The following ATF7 variants were observed in gnomAD, a reference collection of about 807,000 sequenced individuals.
The protein encoded by ATF7 is cyclic AMP-dependent transcription factor ATF-7.
ATF7 carries 10 observed loss-of-function variants against 50.4 expected under a neutral mutation model. That is an observed-to-expected ratio of 0.20 (90% CI 0.12 to 0.34). The LOEUF (loss-of-function observed/expected upper bound fraction) is 0.34, where lower values mean the gene tolerates loss of function less well. ATF7 is among the 10% of genes least tolerant of loss of function. ATF7 has a pLI of 1.00. For missense variants in ATF7, 465 were observed against 613.9 expected (o/e 0.76, Z 2.56); for synonymous variants, 201 against 226.4 (o/e 0.89, Z 1.01).
chr12:53,569,922 C>T (rs1941656991), intron 2 of ATF7, among the ~76,000 whole-genome samples: 1 of 152,140 alleles, frequency 6.6e-6, no homozygotes, highest in Non-Finnish European at 1.5e-5. Context: ...TGTGATCTGC[C>T]TGCCTTGGCC....
chr12:53,602,412 A>C (rs1239941508), intron 1 of ATF7, among the ~76,000 whole-genome samples: 2 of 152,230 alleles, frequency 1.3e-5, no homozygotes, highest in African/African-American at 2.4e-5. Flanking sequence ...TAGCTAGGTA[A>C]CATCTCTCCT....
chr12:53,581,892 G>A (rs1321943083), intron 2 of ATF7, among the ~76,000 whole-genome samples: 1 of 151,944 alleles, frequency 6.6e-6, no homozygotes, highest in Non-Finnish European at 1.5e-5. Context: ...GGAGGCTAAA[G>A]CAGGAGGATT....
At chr12:53,546,960 T>A (rs937338663) in intron 3 of ATF7, among the ~76,000 whole-genome samples, 1 of 150,276 alleles carries the variant, frequency 6.7e-6, no homozygotes, top group Admixed American at 6.6e-5. Flanking sequence ...GGTTTCTTTA[T>A]GCTGCCCAGG....
At chr12:53,622,125 A>G (rs973915494) in intron 1 of ATF7, among the ~76,000 whole-genome samples, 5 of 151,704 alleles carry the variant, frequency 3.3e-5, no homozygotes, top group African/African-American at 1.2e-4. Context: ...AAATGGTGAA[A>G]CCCCGTCTCT....
intron 2 of ATF7, among the ~76,000 whole-genome samples, chr12:53,592,349 G>A (rs1265038523): frequency 1.3e-5 from 2 of 152,204 alleles, no homozygotes; most frequent in Non-Finnish European, 2.9e-5. Context: ...TTTTCTCCAT[G>A]ATGCTTTCCT....
chr12:53,582,042 A>G (rs190021739), intron 2 of ATF7, among the ~76,000 whole-genome samples: 1 of 152,012 alleles, frequency 6.6e-6, no homozygotes, highest in East Asian at 1.9e-4. Context: ...GTCGGAGGCT[A>G]TAGTGAGCTA....
At chr12:53,521,994 T>A (rs1288922252) in intron 11 of ATF7, among the ~76,000 whole-genome samples, 1 of 152,252 alleles carries the variant, frequency 6.6e-6, no homozygotes, top group Non-Finnish European at 1.5e-5. Context: ...AGAGCAATAG[T>A]TCTATGAATT....
At chr12:53,576,979 C>T (rs1043442602) in intron 2 of ATF7, among the ~76,000 whole-genome samples, 3 of 152,066 alleles carry the variant, frequency 2.0e-5, no homozygotes, top group Admixed American at 1.3e-4. Flanking sequence ...TTGCTTAAAC[C>T]CAGGAGGTGG....
At chr12:53,544,556 G>A (rs1012086154) in intron 3 of ATF7, among the ~76,000 whole-genome samples, 3 of 152,112 alleles carry the variant, frequency 2.0e-5, no homozygotes, top group Non-Finnish European at 4.4e-5. Context: ...AGACCAGCCT[G>A]GCCAACATGG....
intron 2 of ATF7, among the ~76,000 whole-genome samples, chr12:53,587,843 A>ATTTTTTTTTT (rs201692852): frequency 4.9e-5 from 3 of 61,568 alleles, no homozygotes; most frequent in African/African-American, 1.5e-4. Context: ...ATATATATAT[A>ATTTTTTTTTT]TTTTTTTTTT....
At chr12:53,553,090 G>A (rs564465207) in intron 2 of ATF7, among the ~76,000 whole-genome samples, 2 of 152,294 alleles carry the variant, frequency 1.3e-5, no homozygotes, top group South Asian at 2.1e-4. Flanking sequence ...TTATGAGGGC[G>A]CTAACAGGGA....
intron 2 of ATF7, among the ~76,000 whole-genome samples, chr12:53,565,890 G>C (rs1941421518): frequency 6.6e-6 from 1 of 152,094 alleles, no homozygotes; most frequent in Non-Finnish European, 1.5e-5. Context: ...CCCAAGACTG[G>C]GTAATTTATA....
At chr12:53,577,926 A>G (rs1199313147) in intron 2 of ATF7, among the ~76,000 whole-genome samples, 2 of 152,146 alleles carry the variant, frequency 1.3e-5, no homozygotes, top group Admixed American at 6.6e-5. Flanking sequence ...TCAGAAAATC[A>G]AAGAGAAAGA....
downstream of ATF7, among the ~76,000 whole-genome samples, chr12:53,510,678 C>T: frequency 6.6e-6 from 1 of 152,240 alleles, no homozygotes; most frequent in East Asian, 1.9e-4. Flanking sequence ...CATCCTGCTG[C>T]TTCTAGTATT....
intron 1 of ATF7, among the ~76,000 whole-genome samples, chr12:53,607,207 C>T (rs1943654982): frequency 1.3e-5 from 2 of 152,186 alleles, no homozygotes; most frequent in Non-Finnish European, 2.9e-5. Flanking sequence ...TATTTCTCCA[C>T]ATCCTTTCCA....
rs1938350529 is a variant in ATF7 at position 53,524,851 on chromosome 12, G to C, written c.928-90C>G. 8.2e-7 allele frequency: 1 copy of C among 1,225,016 alleles called. No individual in the cohort carries two copies. The highest frequency in any genetic ancestry group is 1.5e-5 in the African/African-American group (1 of 65,466). 75.9% of individuals were successfully genotyped at this position (1,225,016 alleles called of 1,614,324 possible). On this transcript the variant is annotated intron_variant, in intron 9 of 11. Transcript: ENST00000420353. This position sits in a 1 kb window ranked among gnomAD's most constrained non-coding sequence, Gnocchi z 4.6. ...ATGTTAGGTAGAGTAGTAAGATCTG[G>C]TAAAAGGATATACCAGCCTCTGGTA...
intron 3 of ATF7, among the ~76,000 whole-genome samples, chr12:53,550,009 C>G (rs1021276669): frequency 2.6e-5 from 4 of 152,080 alleles, no homozygotes; most frequent in African/African-American, 9.7e-5. Flanking sequence ...TGAGCCACCG[C>G]GTCCAGCCTT....
chr12:53,602,889 A>C (rs1354306269), intron 1 of ATF7, among the ~76,000 whole-genome samples: 4 of 152,216 alleles, frequency 2.6e-5, no homozygotes, highest in Non-Finnish European at 4.4e-5. Flanking sequence ...AAATGCAATG[A>C]CCAGGACCAT....
At chr12:53,553,469 A>G (rs1565947410) in intron 2 of ATF7, among the ~76,000 whole-genome samples, 1 of 152,176 alleles carries the variant, frequency 6.6e-6, no homozygotes, top group Non-Finnish European at 1.5e-5. Context: ...GATTTGGGTG[A>G]AAGGACAATG....
Sources: gnomAD v4.1 joint callset for allele counts (sites outside exome capture counted in the v4.1 genomes callset) on GRCh38, gnomAD v4.1.1 for gene constraint, Gnocchi (gnomAD v3.1) non-coding constraint, MANE v1.5 for transcripts, NCBI Gene and HGNC (gene_info 2026-07-23, HGNC 2026-07-21) for gene names.